Variants in QTMAN observed in about 807,000 individuals in gnomAD.
QTMAN encodes queuosine-tRNA mannosyltransferase.
At chr2:144,052,779 G>A in the QTMAN span, among the ~76,000 whole-genome samples, 15 of 152,112 alleles carry the variant, frequency 9.9e-5, no homozygotes, top group African/African-American at 2.7e-4. Flanking sequence ...AATCTCCTAA[G>A]TAGCTGGGAT....
the QTMAN span, among the ~76,000 whole-genome samples, chr2:143,974,980 A>G: frequency 6.6e-6 from 1 of 152,162 alleles, no homozygotes; most frequent in East Asian, 1.9e-4. Flanking sequence ...ACAAATTTCC[A>G]TACTCTTGAG....
chr2:144,137,638 T>C, the QTMAN span, among the ~76,000 whole-genome samples: 1 of 152,110 alleles, frequency 6.6e-6, no homozygotes, highest in East Asian at 1.9e-4. Flanking sequence ...GCTCTGCCTA[T>C]ATCTAGCTGT....
At chr2:144,013,292 C>A in the QTMAN span, among the ~76,000 whole-genome samples, 1 of 152,178 alleles carries the variant, frequency 6.6e-6, no homozygotes, top group South Asian at 2.1e-4. Flanking sequence ...AGAAACCTGT[C>A]CACCTCCTCC....
At chr2:143,996,309 T>C in the QTMAN span, among the ~76,000 whole-genome samples, 2 of 152,058 alleles carry the variant, frequency 1.3e-5, no homozygotes, top group African/African-American at 4.8e-5. Context: ...GGCCTGGAAG[T>C]GGCCCACATC....
At chr2:144,220,861 T>C in the QTMAN span, among the ~76,000 whole-genome samples, 7 of 152,244 alleles carry the variant, frequency 4.6e-5, no homozygotes, top group African/African-American at 7.2e-5. Context: ...CTTGATAGAA[T>C]TGAAGTATCC....
At chr2:144,250,280 T>C in the QTMAN span, among the ~76,000 whole-genome samples, 1 of 151,694 alleles carries the variant, frequency 6.6e-6, no homozygotes, top group East Asian at 1.9e-4. Context: ...AGTAGCTGGG[T>C]TTACAGGCAT....
chr2:144,057,927 C>A, the QTMAN span, among the ~76,000 whole-genome samples: 1 of 152,118 alleles, frequency 6.6e-6, no homozygotes, highest in African/African-American at 2.4e-5. Flanking sequence ...CTTCCCACCT[C>A]AGTCTCCCAA....
the QTMAN span, among the ~76,000 whole-genome samples, chr2:144,163,667 C>A: frequency 5.9e-5 from 9 of 152,154 alleles, no homozygotes; most frequent in African/African-American, 2.2e-4. Flanking sequence ...GCAAACAGTG[C>A]CAGAGACTGG....
chr2:144,092,033 A>G, the QTMAN span, among the ~76,000 whole-genome samples: 1 of 152,192 alleles, frequency 6.6e-6, no homozygotes, highest in Non-Finnish European at 1.5e-5. Flanking sequence ...GTGAATTGGG[A>G]TAGAAGTAGG....
At chr2:144,073,501 C>G in the QTMAN span, among the ~76,000 whole-genome samples, 1 of 151,956 alleles carries the variant, frequency 6.6e-6, no homozygotes, top group African/African-American at 2.4e-5. Flanking sequence ...TATGGATCCA[C>G]GATCGTTTTC....
chr2:144,332,204 T>TGCGGACGGCGGCGCAGGGAGCGCAGC, the QTMAN span, among the ~76,000 whole-genome samples: 35 of 151,926 alleles, frequency 2.3e-4, 1 homozygote, highest in South Asian at 1.9e-3. Context: ...CCGAGCGCGG[T>TGCGGACGGCGGCGCAGGGAGCGCAGC]GCGGACGGCG....
chr2:144,120,320 C>A, the QTMAN span, among the ~76,000 whole-genome samples: 15 of 152,292 alleles, frequency 9.8e-5, no homozygotes, highest in East Asian at 2.7e-3. Context: ...ATCTGTAGTG[C>A]CTCACTCAAG....
At chr2:144,133,283 A>ATG in the QTMAN span, among the ~76,000 whole-genome samples, 21 of 60,136 alleles carry the variant, frequency 3.5e-4, no homozygotes, top group African/African-American at 1.2e-3. Flanking sequence ...ATTTATATAT[A>ATG]CATATATAAA....
chr2:144,301,763 CA>C, the QTMAN span, among the ~76,000 whole-genome samples: 1 of 152,170 alleles, frequency 6.6e-6, no homozygotes, highest in Non-Finnish European at 1.5e-5. Context: ...CCAGGTTCCA[CA>C]AACAGTGGCC....
At chr2:144,082,608 T>A in the QTMAN span, among the ~76,000 whole-genome samples, 1 of 149,318 alleles carries the variant, frequency 6.7e-6, no homozygotes, top group African/African-American at 2.4e-5. Flanking sequence ...AAAAAAAAAA[T>A]GATGATTATA....
the QTMAN span, among the ~76,000 whole-genome samples, chr2:144,273,129 C>T: frequency 2.6e-5 from 4 of 151,910 alleles, no homozygotes; most frequent in East Asian, 5.8e-4. Flanking sequence ...GCGCTTTCAT[C>T]GCATGTATAT....
the QTMAN span, among the ~76,000 whole-genome samples, chr2:144,133,222 AATAT>A: frequency 2.7e-5 from 2 of 74,632 alleles, no homozygotes; most frequent in Non-Finnish European, 2.3e-5. Context: ...TACATATATA[AATAT>A]ATATTTATAT....
chr2:144,140,828 AT>A, the QTMAN span, among the ~76,000 whole-genome samples: 4 of 152,128 alleles, frequency 2.6e-5, no homozygotes, highest in East Asian at 7.7e-4. Flanking sequence ...TCTGCACTTT[AT>A]ATAAAGATTG....
the QTMAN span, among the ~76,000 whole-genome samples, chr2:144,251,088 C>A: frequency 6.6e-6 from 1 of 151,914 alleles, no homozygotes; most frequent in African/African-American, 2.4e-5. Context: ...AAAAGTAGTT[C>A]TTTTAAAGTG....
Sources: gnomAD v4.1 joint callset for allele counts (sites outside exome capture counted in the v4.1 genomes callset) on GRCh38, gnomAD v4.1.1 for gene constraint, MANE v1.5 for transcripts, NCBI Gene and HGNC (gene_info 2026-07-23, HGNC 2026-07-21) for gene names.